TEX9: variants seen among roughly 807,000 people sequenced by gnomAD.
TEX9 encodes the protein testis-expressed protein 9.
In TEX9, 74 loss-of-function variants were observed where a neutral mutation model predicts 59.6. The observed-to-expected ratio is 1.24, with a 90% CI of 1.03 to 1.51. TEX9 has a LOEUF of 1.51. TEX9 is among the 40% of genes most tolerant of loss of function. The probability of loss-of-function intolerance (pLI) is 0.00; values close to 1 mark genes in which losing one functional copy is unlikely to be tolerated. For missense variants in TEX9, 522 were observed against 447.8 expected (o/e 1.17, Z -1.49); for synonymous variants, 186 against 152.2 (o/e 1.22, Z -1.64).
intron 9 of TEX9, among the ~76,000 whole-genome samples, chr15:56,403,668 T>C (rs1377062671): frequency 6.6e-6 from 1 of 152,166 alleles, no homozygotes; most frequent in African/African-American, 2.4e-5. Context: ...GAGCCCTCAT[T>C]GCCAAGACAA....
chr15:56,335,044 C>T (rs1318962381), intron 1 of TEX9, among the ~76,000 whole-genome samples: 1 of 152,130 alleles, frequency 6.6e-6, no homozygotes, highest in Non-Finnish European at 1.5e-5. Flanking sequence ...TCCTGGTACA[C>T]TGTTGGTGAG....
chr15:56,275,326 C>T (rs78808365), intron 1 of TEX9, among the ~76,000 whole-genome samples: 4,223 of 152,250 alleles, frequency 0.028, 194 homozygotes, highest in African/African-American at 0.096. Flanking sequence ...CCAAGCATAG[C>T]ATGATCTCTT....
the TEX9 span, among the ~76,000 whole-genome samples, chr15:56,453,009 A>G: frequency 2.0e-5 from 3 of 152,158 alleles, no homozygotes; most frequent in African/African-American, 4.8e-5. Context: ...ATCAATTCCT[A>G]TTATCGTATT....
intron 12 of TEX9, among the ~76,000 whole-genome samples, chr15:56,436,829 A>G (rs1762587244): frequency 6.6e-6 from 1 of 152,240 alleles, no homozygotes; most frequent in Non-Finnish European, 1.5e-5. Flanking sequence ...AAACACCTCT[A>G]CGCAAATAAA....
intron 1 of TEX9, among the ~76,000 whole-genome samples, chr15:56,338,796 T>G (rs1163695786): frequency 1.3e-5 from 2 of 151,952 alleles, no homozygotes; most frequent in African/African-American, 4.8e-5. Context: ...CGAGTGCCTT[T>G]AATCCCAGCT....
At chr15:56,379,950 C>T (rs982751029) in intron 3 of TEX9, among the ~76,000 whole-genome samples, 4 of 151,116 alleles carry the variant, frequency 2.6e-5, no homozygotes, top group African/African-American at 7.3e-5. Flanking sequence ...TTCTTGTAAG[C>T]GACAGATCAT....
At chr15:56,377,627 A>G (rs1285574496) in intron 3 of TEX9, among the ~76,000 whole-genome samples, 1 of 152,048 alleles carries the variant, frequency 6.6e-6, no homozygotes, top group Non-Finnish European at 1.5e-5. Context: ...CATTTCTAAT[A>G]GTTTTTGGTG....
At chr15:56,316,847 T>C (rs1357925107) in intron 1 of TEX9, among the ~76,000 whole-genome samples, 8 of 152,208 alleles carry the variant, frequency 5.3e-5, no homozygotes, top group Admixed American at 6.5e-5. Flanking sequence ...GGATATAATC[T>C]CGTGGTGCAT....
At chr15:56,428,497 C>A in intron 12 of TEX9, 2 of 1,237,614 alleles carry the variant, frequency 1.6e-6, no homozygotes, top group Non-Finnish European at 2.3e-6. Flanking sequence ...ACCCATTTTA[C>A]TTATTGTAGT....
At chr15:56,284,996 A>T (rs1195461109) in intron 1 of TEX9, among the ~76,000 whole-genome samples, 1 of 152,162 alleles carries the variant, frequency 6.6e-6, no homozygotes, top group Non-Finnish European at 1.5e-5. Flanking sequence ...GTGTTATTGA[A>T]TATATTAATT....
chr15:56,391,414 A>T, exon 7 of TEX9: 2 of 1,515,190 alleles, frequency 1.3e-6, no homozygotes, highest in Non-Finnish European at 1.8e-6. Flanking sequence ...ATGACATTGG[A>T]ACAGGTAGAT....
At chr15:56,334,472 T>C (rs2725862) in intron 1 of TEX9, among the ~76,000 whole-genome samples, 64,954 of 151,822 alleles carry the variant, frequency 0.43, 14,051 homozygotes, top group Non-Finnish European at 0.45. Context: ...AAGAATGAAA[T>C]TGGACCTCGG....
chr15:56,349,507 G>A (rs1175587064), intron 1 of TEX9, among the ~76,000 whole-genome samples: 2 of 152,108 alleles, frequency 1.3e-5, no homozygotes, highest in African/African-American at 2.4e-5. Flanking sequence ...AAGACTATGG[G>A]TTTTCTATGA....
chr15:56,353,689 A>T (rs1191432383), intron 1 of TEX9, among the ~76,000 whole-genome samples: 1 of 152,256 alleles, frequency 6.6e-6, no homozygotes, highest in Non-Finnish European at 1.5e-5. Flanking sequence ...AGTGACATAC[A>T]GGAATAAATC....
chr15:56,283,285 G>A (rs540750064), intron 1 of TEX9, among the ~76,000 whole-genome samples: 76 of 151,984 alleles, frequency 5.0e-4, no homozygotes, highest in Non-Finnish European at 8.2e-4. Flanking sequence ...GGTTTAAAAC[G>A]CATGCAATCA....
At chr15:56,353,039 C>T (rs900417899) in intron 1 of TEX9, among the ~76,000 whole-genome samples, 16 of 152,114 alleles carry the variant, frequency 1.1e-4, no homozygotes, top group African/African-American at 1.9e-4. Context: ...TTTGAATTCC[C>T]GTGAGGTAGG....
intron 10 of TEX9, among the ~76,000 whole-genome samples, chr15:56,421,178 C>T (rs1367560123): frequency 6.6e-6 from 1 of 151,700 alleles, no homozygotes; most frequent in South Asian, 2.1e-4. Context: ...GTCTATTTTC[C>T]CTTTCAGTCT....
chr15:56,391,422 G>A lies in TEX9; in HGVS notation c.571+4G>A, dbSNP rs768065212. On this transcript the variant is annotated splice_donor_region_variant and intron_variant, in intron 7 of 12. Coordinates refer to ENST00000352903, the Ensembl canonical transcript of TEX9. ...GTTAGTAATGACATTGGAACAGGTA[G>A]ATTTTCTTTAGTTTTTTATTTTTAT... 2.0e-6 allele frequency: 3 copies of A among 1,491,758 alleles called. No homozygotes were observed. The highest frequency in any genetic ancestry group is 2.7e-6 in the Non-Finnish European group (3 of 1,118,582). The allele number at this position is 1,491,758 out of a possible 1,614,324, so 92.4% of individuals were successfully genotyped here. A position where few individuals can be genotyped will look rare whatever the true frequency, so the allele number is the denominator to read the frequency against.
intron 1 of TEX9, among the ~76,000 whole-genome samples, chr15:56,273,267 C>T (rs1360292490): frequency 6.6e-6 from 1 of 151,990 alleles, no homozygotes; most frequent in Non-Finnish European, 1.5e-5. Context: ...TTTTTTAACT[C>T]AATATTATCT....
Sources: allele counts gnomAD v4.1 joint callset (sites outside exome capture counted in the v4.1 genomes callset), GRCh38; gene constraint gnomAD v4.1.1; transcripts MANE v1.5; gene names NCBI Gene and HGNC (gene_info 2026-07-23, HGNC 2026-07-21).